The following PACRG variants were observed in gnomAD, a reference collection of about 807,000 sequenced individuals.
PACRG encodes the protein parkin coregulated gene protein.
Under a neutral mutation model 29.7 loss-of-function variants are expected in PACRG, and 29 were observed. The ratio of observed to expected loss-of-function variants is 0.98; its 90% CI spans 0.73 to 1.33. PACRG has a LOEUF of 1.33. PACRG is among the 40% of genes most tolerant of loss of function. PACRG has a pLI of 0.00. For synonymous variants in PACRG, 116 were observed against 118.7 expected (o/e 0.98, Z 0.15); for missense variants, 279 against 316.2 (o/e 0.88, Z 0.89).
intron 1 of PACRG, among the ~76,000 whole-genome samples, chr6:162,798,762 T>C (rs1785594316): frequency 1.3e-5 from 2 of 152,178 alleles, no homozygotes; most frequent in South Asian, 4.1e-4. Flanking sequence ...TCATCGTATA[T>C]TTAAAAATCA....
chr6:163,135,724 A>G (rs1173613698), intron 4 of PACRG, among the ~76,000 whole-genome samples: 1 of 152,206 alleles, frequency 6.6e-6, no homozygotes, highest in African/African-American at 2.4e-5. Flanking sequence ...CCTTTTCTAC[A>G]TGTGGCCAAA....
intron 2 of PACRG, among the ~76,000 whole-genome samples, chr6:162,881,913 A>T (rs1793887441): frequency 8.1e-6 from 1 of 124,198 alleles, no homozygotes; most frequent in Non-Finnish European, 1.6e-5. Flanking sequence ...GCCTCTCTCC[A>T]CCAAGATCGG....
At chr6:162,808,739 C>T (rs950186557) in intron 1 of PACRG, among the ~76,000 whole-genome samples, 1 of 152,120 alleles carries the variant, frequency 6.6e-6, no homozygotes, top group African/African-American at 2.4e-5. Context: ...TACAGATTGC[C>T]CCTACCATTC....
At position 162,777,836 on chromosome 6, in the gene PACRG, G is replaced by GA. The variant is rs559305973; in HGVS notation, c.157-36305dup. On this transcript the variant is annotated intron_variant, in intron 1 of 4. Transcript: ENST00000366888. This position sits in a 1 kb window ranked among gnomAD's most constrained non-coding sequence, Gnocchi z 4.0. ...CTGCACTTGCTTTGAACTAATAAAA[G>GA]AAAAAACCTCCCTACCTTCTTTCTT... is the stretch of plus-strand genomic sequence containing the variant. 1.7e-4 allele frequency among the ~76,000 whole-genome samples: 26 copies of GA among 152,142 alleles called. No homozygotes were observed. In the East Asian group the frequency reaches 4.6e-3, roughly 27 times the overall value.
intron 2 of PACRG, among the ~76,000 whole-genome samples, chr6:162,923,986 A>G (rs1056187551): frequency 1.3e-5 from 2 of 152,074 alleles, no homozygotes; most frequent in Non-Finnish European, 2.9e-5. Context: ...GATCATTTTT[A>G]CAACATGAAT....
intron 2 of PACRG, among the ~76,000 whole-genome samples, chr6:162,987,086 T>C (rs1367509941): frequency 6.6e-6 from 1 of 152,176 alleles, no homozygotes. Flanking sequence ...GGTGGTGTTA[T>C]AGAGCCTGTT....
chr6:163,019,150 G>T (rs1396387827), intron 2 of PACRG, among the ~76,000 whole-genome samples: 1 of 152,066 alleles, frequency 6.6e-6, no homozygotes, highest in East Asian at 1.9e-4. Flanking sequence ...GGCTTTTATT[G>T]TCTGTAGAGA....
intron 4 of PACRG, chr6:163,310,340 TG>T (rs1785362154): frequency 6.6e-6 from 1 of 152,178 alleles, no homozygotes; most frequent in African/African-American, 2.4e-5. Flanking sequence ...GTGGGGTGCG[TG>T]GGCCCAGACA....
intron 2 of PACRG, among the ~76,000 whole-genome samples, chr6:163,036,565 C>T (rs1163869259): frequency 1.3e-5 from 2 of 152,210 alleles, no homozygotes; most frequent in African/African-American, 4.8e-5. Context: ...GCAATTCAAT[C>T]ACCTCCTGCC....
At chr6:162,980,327 T>A (rs1460405264) in intron 2 of PACRG, among the ~76,000 whole-genome samples, 1 of 152,136 alleles carries the variant, frequency 6.6e-6, no homozygotes, top group Non-Finnish European at 1.5e-5. Context: ...TTTTACCTAG[T>A]CTCTTAAAAA....
In PACRG at chr6:162,910,240, G is replaced by A. The variant is rs573051317; in HGVS notation, c.291+95959G>A. Among the ~76,000 whole-genome samples the A allele has an allele frequency of 1.1e-4, 16 of 152,292 alleles. No individual in the cohort carries two copies. In the South Asian group the frequency reaches 2.5e-3, roughly 24 times the overall value. The stretch of plus-strand genomic sequence containing the variant: ...CAGAATGCTTAAATAACTTCCTCAA[G>A]GTCACACGGGTTCTAAAATGGGGAG... On this transcript the variant is annotated intron_variant, in intron 2 of 4. Transcript: ENST00000366888.
intron 1 of PACRG, among the ~76,000 whole-genome samples, chr6:162,800,762 G>A (rs1043443626): frequency 6.6e-6 from 1 of 152,122 alleles, no homozygotes; most frequent in Non-Finnish European, 1.5e-5. Context: ...TGATAATATT[G>A]TATGTCCTCA....
chr6:163,116,937 G>A (rs571686994), intron 4 of PACRG, among the ~76,000 whole-genome samples: 2 of 152,200 alleles, frequency 1.3e-5, no homozygotes, highest in South Asian at 2.1e-4. Context: ...ATCCCCAGAC[G>A]AGCACTCACA....
At chr6:162,765,386 C>A (rs962740875) in intron 1 of PACRG, among the ~76,000 whole-genome samples, 17 of 152,180 alleles carry the variant, frequency 1.1e-4, no homozygotes, top group Admixed American at 2.6e-4. Flanking sequence ...AACTCTACCC[C>A]CTTTCCTCGC....
At chr6:162,987,329 TG>T (rs1180188837) in intron 2 of PACRG, among the ~76,000 whole-genome samples, 2 of 152,192 alleles carry the variant, frequency 1.3e-5, no homozygotes, top group Non-Finnish European at 2.9e-5. Context: ...GGCTCCAGGC[TG>T]GTGCTGGGAA....
chr6:163,236,955 C>A (rs1345923308), intron 4 of PACRG, among the ~76,000 whole-genome samples: 4 of 152,008 alleles, frequency 2.6e-5, no homozygotes, highest in Non-Finnish European at 4.4e-5. Flanking sequence ...TTTACAACAA[C>A]CAGACCTCAT....
At chr6:162,764,798 C>T (rs1355487264) in intron 1 of PACRG, among the ~76,000 whole-genome samples, 3 of 151,078 alleles carry the variant, frequency 2.0e-5, no homozygotes, top group Non-Finnish European at 2.9e-5. Context: ...GGCTGGAGTG[C>T]AGTGGCATGA....
chr6:163,061,818 G>C (rs1811120762), intron 2 of PACRG, among the ~76,000 whole-genome samples: 1 of 152,090 alleles, frequency 6.6e-6, no homozygotes, highest in Admixed American at 6.5e-5. Context: ...AAACATTCTA[G>C]AGGCTTCTTG....
chr6:163,308,661 G>T (rs1200912143), intron 4 of PACRG, among the ~76,000 whole-genome samples: 6 of 106,302 alleles, frequency 5.6e-5, no homozygotes, highest in South Asian at 5.4e-4. Context: ...GTGAGGCTCC[G>T]TCTCAAAAAA....
Sources: gnomAD v4.1 joint callset for allele counts (sites outside exome capture counted in the v4.1 genomes callset) on GRCh38, gnomAD v4.1.1 for gene constraint, Gnocchi (gnomAD v3.1) non-coding constraint, MANE v1.5 for transcripts, NCBI Gene and HGNC (gene_info 2026-07-23, HGNC 2026-07-21) for gene names.